Variants in PRR11 observed in about 807,000 individuals in gnomAD.
PRR11 encodes proline rich 11.
In PRR11, 30 loss-of-function variants were observed where a neutral mutation model predicts 45.6. The observed-to-expected ratio is 0.66, with a 90% CI of 0.49 to 0.89. The LOEUF (loss-of-function observed/expected upper bound fraction) is 0.89, where lower values mean the gene tolerates loss of function less well. Ranked by LOEUF, PRR11 falls within the 40% of genes least tolerant of loss-of-function variation. The pLI, the probability that PRR11 is intolerant of heterozygous loss-of-function variation, is 0.00. For synonymous variants in PRR11, 128 were observed against 153.5 expected, an observed-to-expected ratio of 0.83 and a Z score of 1.23; for missense variants, 373 against 424.8, an observed-to-expected ratio of 0.88 and a Z score of 1.07.
chr17:59,193,838 G>A (rs540367427), intron 5 of PRR11, 104 bp downstream of exon 5: 4 of 1,303,746 alleles, frequency 3.1e-6, no homozygotes, highest in Non-Finnish European at 4.3e-6. Context: ...TCAGGGCTTG[G>A]GCCAGAAGGC....
In PRR11 at chr17:59,204,714, A is replaced by AT. The variant is rs1161670648; in HGVS notation, c.*3083_*3084insT. ...GAGTGAGACCCTGTGTCAAAAAAAA[A>AT]AAAAAGAAAGAAAGAAAGAAAAAAT... On this transcript the variant is annotated 3_prime_UTR_variant, in exon 10 of 10. Transcript: ENST00000262293. 6.5e-6 allele frequency: 1 copy of AT among 152,856 alleles called. No homozygotes were observed. Among genetic ancestry groups the AT allele is most frequent in the Non-Finnish European group, 1.5e-5 (1 of 68,902 alleles). 9.5% of individuals were successfully genotyped at this position (152,856 alleles called of 1,614,324 possible).
intron 1 of PRR11, among the ~76,000 whole-genome samples, chr17:59,164,203 GC>G (rs1568317470): frequency 6.6e-6 from 1 of 152,190 alleles, no homozygotes; most frequent in Non-Finnish European, 1.5e-5. Context: ...AGCAGTTGCA[GC>G]AGAGACCATA....
chr17:59,170,000 C>G, intron 2 of PRR11, 120 bp downstream of exon 2: 2 of 1,304,386 alleles, frequency 1.5e-6, no homozygotes, highest in Non-Finnish European at 2.0e-6. Flanking sequence ...TTCCTGTAAT[C>G]CCAGCACTTT....
chr17:59,186,448 T>C (rs2147850227), intron 4 of PRR11, among the ~76,000 whole-genome samples: 1 of 136,494 alleles, frequency 7.3e-6, no homozygotes, highest in East Asian at 2.1e-4. Flanking sequence ...CAGGCTAGAG[T>C]GCAGTGGCAT....
chr17:59,168,004 A>C (rs989204643), intron 1 of PRR11, among the ~76,000 whole-genome samples: 1 of 152,004 alleles, frequency 6.6e-6, no homozygotes, highest in African/African-American at 2.4e-5. Flanking sequence ...CTCCTATTCA[A>C]GATTGAGTTG....
In PRR11 at chr17:59,195,085, T is replaced by C. The variant is rs543528843; in HGVS notation, c.744+230T>C. Among the ~76,000 whole-genome samples the C allele has an allele frequency of 9.2e-5, 14 of 152,234 alleles. No homozygotes were observed. The South Asian group carries it at 2.5e-3, about 27-fold the overall frequency. ...CAAGTTAAGTTTTTGATGTTTTTAT[T>C]TTAGTAGTTTTGGATTTCCCAACAA... On this transcript the variant is annotated intron_variant, in intron 6 of 9. Coordinates refer to ENST00000262293, the MANE Select transcript of PRR11 (RefSeq NM_018304.4).
At chr17:59,174,129 T>C (rs1568320588) in intron 2 of PRR11, among the ~76,000 whole-genome samples, 1 of 152,216 alleles carries the variant, frequency 6.6e-6, no homozygotes, top group Non-Finnish European at 1.5e-5. Context: ...TCACTCAATA[T>C]ACCCAAGGTC....
chr17:59,157,219 C>T (rs2046629887), intron 1 of PRR11, among the ~76,000 whole-genome samples: 1 of 152,150 alleles, frequency 6.6e-6, no homozygotes, highest in African/African-American at 2.4e-5. Flanking sequence ...CATTATTTAG[C>T]TCCTGCTGTA....
Position 59,198,105 on chromosome 17 carries a change from C to T in PRR11, c.1014+316C>T, listed in dbSNP as rs550414161. Among the ~76,000 whole-genome samples the T allele has an allele frequency of 1.5e-4, 23 of 152,204 alleles. No homozygotes were observed. The South Asian group carries it at 3.9e-3, about 26-fold the overall frequency. On this transcript the variant is annotated intron_variant, in intron 9 of 9. Coordinates refer to ENST00000262293, the MANE Select transcript of PRR11 (RefSeq NM_018304.4). ...CTCCAGTCTGGGTGACAAAGCAAGA[C>T]CCTGTCTCAAATAAATAATCATAAT... is the stretch of plus-strand genomic sequence containing the variant.
intron 2 of PRR11, among the ~76,000 whole-genome samples, chr17:59,183,524 T>C (rs147498652): frequency 0.015 from 2,240 of 152,276 alleles, 24 homozygotes; most frequent in Non-Finnish European, 0.024. Flanking sequence ...GATTCTATAC[T>C]GGGGGTACAC....
chr17:59,185,600 G>A, intron 4 of PRR11, 38 bp downstream of exon 4: 1 of 1,515,412 alleles, frequency 6.6e-7, no homozygotes. Flanking sequence ...CTGGAATTAG[G>A]TAAGGAGACA....
intron 2 of PRR11, chr17:59,174,952 C>T (rs896710918): frequency 9.7e-6 from 9 of 924,366 alleles, no homozygotes; most frequent in Admixed American, 5.6e-5. Context: ...ACCCCCACCC[C>T]GCCTACCTCC....
chr17:59,194,764 C>G lies in PRR11; in HGVS notation c.653C>G (p.Pro218Arg). ...CTTACCATGTATTTTAAGGCTGGAC[C>G]ATTAAAAAAAGATGGACCCATGCAG... The part of the protein sequence containing the change: ...PSLAKALQAG[P>R]LKKDGPMQIT... The change falls in exon 6 of 10, where the codon CCA becomes CGA. Residue 218 changes from proline (P) to arginine (R), a missense_variant. Coordinates refer to ENST00000262293, the MANE Select transcript of PRR11 (RefSeq NM_018304.4). 6.2e-7 allele frequency: 1 copy of G among 1,610,964 alleles called. No individual in the cohort carries two copies. Among genetic ancestry groups the G allele is most frequent in the Non-Finnish European group, 8.5e-7 (1 of 1,178,358 alleles).
At chr17:59,173,296 C>T (rs989399348) in intron 2 of PRR11, among the ~76,000 whole-genome samples, 1 of 152,110 alleles carries the variant, frequency 6.6e-6, no homozygotes, top group Non-Finnish European at 1.5e-5. Context: ...GTGGGTGGGG[C>T]CAGATAAGAA....
intron 1 of PRR11, among the ~76,000 whole-genome samples, chr17:59,168,230 G>A (rs533237666): frequency 4.0e-5 from 6 of 151,488 alleles, no homozygotes; most frequent in Non-Finnish European, 7.4e-5. Flanking sequence ...GTGCAGTGGC[G>A]TGATCTCGGC....
intron 1 of PRR11, among the ~76,000 whole-genome samples, chr17:59,166,885 C>T (rs1169697323): frequency 3.3e-5 from 5 of 151,730 alleles, no homozygotes; most frequent in African/African-American, 4.8e-5. Context: ...CCTATAGGAC[C>T]GGGCGCGGTG....
At chr17:59,173,012 A>G (rs567706846) in intron 2 of PRR11, among the ~76,000 whole-genome samples, 10 of 152,328 alleles carry the variant, frequency 6.6e-5, no homozygotes, top group African/African-American at 2.4e-4. Context: ...GAGAATATTT[A>G]TGTCTAGCTA....
At chr17:59,167,949 G>A (rs1051525265) in intron 1 of PRR11, among the ~76,000 whole-genome samples, 3 of 152,044 alleles carry the variant, frequency 2.0e-5, no homozygotes, top group Non-Finnish European at 4.4e-5. Flanking sequence ...AATGTCTAAC[G>A]TCCTGGGAAT....
intron 2 of PRR11, among the ~76,000 whole-genome samples, chr17:59,180,715 A>C (rs1390947950): frequency 1.3e-5 from 2 of 151,348 alleles, no homozygotes; most frequent in African/African-American, 4.9e-5. Flanking sequence ...TATATTGGTC[A>C]GGCTGGTCTC....
Sources: allele counts gnomAD v4.1 joint callset (sites outside exome capture counted in the v4.1 genomes callset), GRCh38; gene constraint gnomAD v4.1.1; transcripts MANE v1.5; gene names NCBI Gene and HGNC (gene_info 2026-07-23, HGNC 2026-07-21).